ENPP6: variants seen among roughly 807,000 people sequenced by gnomAD.
ENPP6 encodes the protein ectonucleotide pyrophosphatase/phosphodiesterase 6, also known as glycerophosphocholine cholinephosphodiesterase ENPP6.
ENPP6 carries 32 observed loss-of-function variants against 42.0 expected under a neutral mutation model. The ratio of observed to expected loss-of-function variants is 0.76; its 90% confidence interval spans 0.58 to 1.02. The LOEUF (loss-of-function observed/expected upper bound fraction) is 1.02. Ranked by LOEUF, ENPP6 falls within the 50% of genes least tolerant of loss-of-function variation. ENPP6 has a pLI of 0.00. For synonymous variants in ENPP6, 213 were observed against 216.0 expected, an observed-to-expected ratio of 0.99 and a Z score of 0.12; for missense variants, 552 against 566.8, an observed-to-expected ratio of 0.97 and a Z score of 0.27.
intron 1 of ENPP6, among the ~76,000 whole-genome samples, chr4:184,170,235 T>C (rs6552761): frequency 1.3e-5 from 2 of 152,054 alleles, no homozygotes; most frequent in Admixed American, 6.5e-5. Flanking sequence ...TTTGAGACCA[T>C]ACTGGGCAAC....
At chr4:184,217,349 T>G (rs1332740617) in intron 1 of ENPP6, among the ~76,000 whole-genome samples, 2 of 152,234 alleles carry the variant, frequency 1.3e-5, no homozygotes, top group Non-Finnish European at 2.9e-5. Context: ...TTCTCTGTCC[T>G]CCGCACTGAG....
chr4:184,142,217 T>C (rs2111369053), intron 2 of ENPP6, among the ~76,000 whole-genome samples: 1 of 152,312 alleles, frequency 6.6e-6, no homozygotes, highest in South Asian at 2.1e-4. Flanking sequence ...AGAGCCTAGG[T>C]TTCCCCTTCC....
intron 6 of ENPP6, among the ~76,000 whole-genome samples, chr4:184,109,929 G>A (rs937910090): frequency 3.3e-5 from 5 of 152,224 alleles, no homozygotes; most frequent in Admixed American, 6.5e-5. Context: ...CTGATTTGTC[G>A]GTTTCCTACA....
At chr4:184,168,870 G>A (rs746041082) in intron 1 of ENPP6, among the ~76,000 whole-genome samples, 2 of 152,218 alleles carry the variant, frequency 1.3e-5, no homozygotes, top group Non-Finnish European at 2.9e-5. Flanking sequence ...CCTTGCCTGG[G>A]CTGTCCTGGC....
At chr4:184,106,776 G>T (rs1258602814) in intron 6 of ENPP6, among the ~76,000 whole-genome samples, 1 of 152,216 alleles carries the variant, frequency 6.6e-6, no homozygotes, top group Non-Finnish European at 1.5e-5. Flanking sequence ...GAGGGCAGGA[G>T]TGGGGGCAAG....
At chr4:184,101,980 G>T (rs1054062231) in intron 6 of ENPP6, among the ~76,000 whole-genome samples, 7 of 152,194 alleles carry the variant, frequency 4.6e-5, no homozygotes, top group Non-Finnish European at 8.8e-5. Flanking sequence ...CTCTCTGGGC[G>T]CCTGCACTCC....
chr4:184,089,164 G>C lies in ENPP6; in HGVS notation c.*2013C>G, dbSNP rs956139275. 3.3e-5 allele frequency: 5 copies of C among 152,228 alleles called. No individual in the cohort carries two copies. Among genetic ancestry groups the C allele is most frequent in the Non-Finnish European group, 7.3e-5 (5 of 68,042 alleles). 9.4% of individuals were successfully genotyped at this position (152,228 alleles called of 1,614,324 possible). A position where few individuals can be genotyped will look rare whatever the true frequency, so the allele number is the denominator to read the frequency against. On this transcript the variant is annotated 3_prime_UTR_variant, in exon 8 of 8. Transcript: ENST00000296741. ...TGTTTTCAGCTAGATAACAAAGGCT[G>C]AAGAGTTGCCTTCTTTCCAATTGAT...
At chr4:184,167,149 T>C (rs746712413) in intron 1 of ENPP6, among the ~76,000 whole-genome samples, 47 of 152,336 alleles carry the variant, frequency 3.1e-4, no homozygotes, top group Non-Finnish European at 3.8e-4. Context: ...AGAGTCTCAC[T>C]CTGGTGCCCA....
chr4:184,144,141 C>T (rs1189985209), intron 2 of ENPP6, among the ~76,000 whole-genome samples: 4 of 152,332 alleles, frequency 2.6e-5, no homozygotes, highest in African/African-American at 7.2e-5. Flanking sequence ...AGGAGGAAGG[C>T]GTATGATGCG....
chr4:184,125,572 C>G (rs1206405243), intron 2 of ENPP6, among the ~76,000 whole-genome samples: 2 of 152,090 alleles, frequency 1.3e-5, no homozygotes, highest in East Asian at 3.9e-4. Context: ...CAGCTGGTTA[C>G]AGCTGATTTA....
intron 2 of ENPP6, among the ~76,000 whole-genome samples, chr4:184,144,756 G>A (rs1469658702): frequency 2.0e-5 from 3 of 152,242 alleles, no homozygotes; most frequent in African/African-American, 7.2e-5. Flanking sequence ...GCAGGACACT[G>A]GAACCCCAAA....
Position 184,171,554 on chromosome 4 carries a change from G to A in ENPP6, c.242-17821C>T, listed in dbSNP as rs144581174. ...GCAGCTTTCTTGGAAAATATGATCTGCCACCATGAGAAAACAAATTCAAAT... is the reference window on the plus strand; with the variant it reads ...GCAGCTTTCTTGGAAAATATGATCTACCACCATGAGAAAACAAATTCAAAT... On this transcript the variant is annotated intron_variant, in intron 1 of 7. Transcript: ENST00000296741. Among the ~76,000 whole-genome samples, 556 of 152,292 alleles carry A rather than the reference G, an allele frequency of 3.7e-3. 2 individuals carry two copies. The highest frequency in any genetic ancestry group is 5.4e-3 in the South Asian group (26 of 4,826).
chr4:184,208,578 G>T (rs545779077), intron 1 of ENPP6, among the ~76,000 whole-genome samples: 8 of 151,764 alleles, frequency 5.3e-5, no homozygotes, highest in Admixed American at 1.3e-4. Flanking sequence ...GCACCTGGCT[G>T]GGAGGGTCCT....
chr4:184,100,220 T>C (rs1244657852), intron 6 of ENPP6, among the ~76,000 whole-genome samples: 2 of 152,252 alleles, frequency 1.3e-5, no homozygotes, highest in Non-Finnish European at 2.9e-5. Context: ...GTGTAAGTGA[T>C]GGACTCAGCC....
intron 5 of ENPP6, among the ~76,000 whole-genome samples, chr4:184,114,093 G>T (rs969131695): frequency 1.3e-5 from 2 of 152,062 alleles, no homozygotes; most frequent in African/African-American, 4.8e-5. Flanking sequence ...AGCCTCCCAA[G>T]TAGCTGGAAC....
chr4:184,177,937 T>C (rs1732470472), intron 1 of ENPP6, among the ~76,000 whole-genome samples: 1 of 151,864 alleles, frequency 6.6e-6, no homozygotes, highest in African/African-American at 2.4e-5. Flanking sequence ...GAAAAAACAC[T>C]GAAGACTCAA....
At chr4:184,148,603 T>C (rs1222847168) in intron 2 of ENPP6, among the ~76,000 whole-genome samples, 1 of 152,244 alleles carries the variant, frequency 6.6e-6, no homozygotes, top group Non-Finnish European at 1.5e-5. Context: ...GCAATCCTTT[T>C]CTTGCTGACA....
rs150737700 is a variant in ENPP6 at position 184,124,935 on chromosome 4, A to G, written c.422-663T>C. Among the ~76,000 whole-genome samples the G allele has an allele frequency of 5.9e-3, 905 of 152,298 alleles. 11 individuals are homozygous for G. Among genetic ancestry groups the G allele is most frequent in the South Asian group, 0.037 (180 of 4,820 alleles). On this transcript the variant is annotated intron_variant, in intron 2 of 7. Coordinates refer to ENST00000296741, the MANE Select transcript of ENPP6 (RefSeq NM_153343.4). ...AGTAGAAGTAGTTGCTCTGCCGAGA[A>G]ACACCCATCCATATTAGGGAACATA...
chr4:184,136,464 A>G (rs112501622), intron 2 of ENPP6, among the ~76,000 whole-genome samples: 1,547 of 152,090 alleles, frequency 0.01, 22 homozygotes, highest in South Asian at 0.04. Context: ...CTGTGCTTCC[A>G]TCTGTGATCA....
Sources: allele counts gnomAD v4.1 joint callset (sites outside exome capture counted in the v4.1 genomes callset), GRCh38; gene constraint gnomAD v4.1.1; transcripts MANE v1.5; gene names NCBI Gene and HGNC (gene_info 2026-07-23, HGNC 2026-07-21).